CPED1: variants seen among roughly 807,000 people sequenced by gnomAD.
The protein encoded by CPED1 is cadherin-like and PC-esterase domain-containing protein 1.
Under a neutral mutation model 128.2 loss-of-function variants are expected in CPED1, and 114 were observed. The ratio of observed to expected loss-of-function variants is 0.89; its 90% CI spans 0.76 to 1.04. The LOEUF (loss-of-function observed/expected upper bound fraction) is 1.04. Among genes scored for constraint, CPED1 ranks in the 50% least tolerant of loss-of-function variants. The pLI is 0.00. For missense variants in CPED1, 1,211 were observed against 1,207.1 expected (o/e 1.00, Z -0.05); for synonymous variants, 462 against 426.7 (o/e 1.08, Z -1.02).
At chr7:121,189,152 C>A (rs1797070125) in intron 16 of CPED1, among the ~76,000 whole-genome samples, 1 of 152,028 alleles carries the variant, frequency 6.6e-6, no homozygotes, top group South Asian at 2.1e-4. Flanking sequence ...TTCCTTGCTC[C>A]AAGATAGCTT....
chr7:121,158,905 T>C (rs970372516), intron 16 of CPED1, among the ~76,000 whole-genome samples: 2 of 152,286 alleles, frequency 1.3e-5, no homozygotes, highest in Middle Eastern at 3.4e-3. Flanking sequence ...ATGTTTTTCA[T>C]GTTAAGAGGA....
chr7:121,211,362 G>C (rs1272788785), intron 16 of CPED1, among the ~76,000 whole-genome samples: 1 of 152,060 alleles, frequency 6.6e-6, no homozygotes, highest in Non-Finnish European at 1.5e-5. Flanking sequence ...CATCCATTTT[G>C]GTTTTGACCT....
chr7:121,135,515 A>T (rs2116348755), intron 13 of CPED1, among the ~76,000 whole-genome samples: 1 of 152,230 alleles, frequency 6.6e-6, no homozygotes, highest in Non-Finnish European at 1.5e-5. Context: ...AGAATGAATC[A>T]GTAGGTGCAG....
intron 3 of CPED1, among the ~76,000 whole-genome samples, chr7:121,034,827 A>C (rs1585030594): frequency 6.6e-6 from 1 of 152,318 alleles, no homozygotes; most frequent in East Asian, 1.9e-4. Flanking sequence ...GACAATGTGG[A>C]TCCATGGAGC....
At position 121,125,826 on chromosome 7, in the gene CPED1, A is replaced by G. The variant is rs367724397; in HGVS notation, c.1068A>G (p.Arg356=). The change falls in exon 9 of 23, where the codon AGA becomes AGG. Residue 356 remains arginine (R), a synonymous_variant. Coordinates refer to ENST00000310396, the MANE Select transcript of CPED1 (RefSeq NM_024913.5). Reference sequence around the variant, plus strand: ...CCTTGTGTTTTCATTTTAGATGCAGATTCTGCTTTCAACTTCTAACTTTTG... The same window carrying G: ...CCTTGTGTTTTCATTTTAGATGCAGGTTCTGCTTTCAACTTCTAACTTTTG... ...TLGPKTFHRC[R]FCFQLLTFDI... 3 of 1,611,648 alleles carry G rather than the reference A, an allele frequency of 1.9e-6. No individual in the cohort carries two copies. In the African/African-American group the frequency reaches 4.0e-5, roughly 22 times the overall value.
At chr7:121,249,618 A>G (rs895296467) in intron 18 of CPED1, among the ~76,000 whole-genome samples, 1 of 152,204 alleles carries the variant, frequency 6.6e-6, no homozygotes, top group Non-Finnish European at 1.5e-5. Context: ...TTCTCAGATA[A>G]GCAAACACTG....
chr7:121,136,112 G>A, intron 14 of CPED1, 22 bp downstream of exon 14: 2 of 1,538,844 alleles, frequency 1.3e-6, no homozygotes, highest in African/African-American at 1.4e-5. Flanking sequence ...TTAAAGTGTT[G>A]TAGCAGCATA....
intron 18 of CPED1, among the ~76,000 whole-genome samples, chr7:121,259,688 A>G (rs1329953720): frequency 6.6e-6 from 1 of 152,194 alleles, no homozygotes; most frequent in African/African-American, 2.4e-5. Flanking sequence ...TCAAATTTAC[A>G]ACTGCAAAAA....
At position 121,128,483 on chromosome 7, in the gene CPED1, A is replaced by G. The variant is rs1274113873; in HGVS notation, c.1404A>G (p.Gln468=). 6.6e-7 allele frequency: 1 copy of G among 1,506,402 alleles called. No individual in the cohort carries two copies. Among genetic ancestry groups the G allele is most frequent in the African/African-American group, 1.4e-5 (1 of 72,856 alleles). The allele number at this position is 1,506,402 out of a possible 1,614,324, so 93.3% of individuals were successfully genotyped here. A position where few individuals can be genotyped will look rare whatever the true frequency, so the allele number is the denominator to read the frequency against. Reference sequence around the variant, plus strand: ...AACTTGGAAGTCTGGGACAATTCCAACTGGTAAAGCAAAAGTGACATTTGA... The same window carrying G: ...AACTTGGAAGTCTGGGACAATTCCAGCTGGTAAAGCAAAAGTGACATTTGA... The part of the protein sequence containing the change: ...IKELGSLGQF[Q]LLFPSTTPGI... The change falls in exon 11 of 23, where the codon CAA becomes CAG. Residue 468 remains glutamine (Q), a synonymous_variant. Coordinates refer to ENST00000310396, the MANE Select transcript of CPED1 (RefSeq NM_024913.5).
intron 6 of CPED1, 26 bp downstream of exon 6, chr7:121,097,857 T>A (rs1380545578): frequency 6.2e-7 from 1 of 1,612,450 alleles, no homozygotes; most frequent in Non-Finnish European, 8.5e-7. Context: ...TGAATTGTTA[T>A]AACCAGCATG....
chr7:121,187,907 T>C (rs1797040319), intron 16 of CPED1, among the ~76,000 whole-genome samples: 1 of 152,146 alleles, frequency 6.6e-6, no homozygotes, highest in African/African-American at 2.4e-5. Context: ...TGCCTCTTGA[T>C]ATGATGCAAT....
intron 18 of CPED1, among the ~76,000 whole-genome samples, chr7:121,245,305 C>G (rs555981251): frequency 6.6e-6 from 1 of 152,054 alleles, no homozygotes; most frequent in African/African-American, 2.4e-5. Context: ...AAAGATCAAT[C>G]AGTAGTGTTA....
intron 16 of CPED1, among the ~76,000 whole-genome samples, chr7:121,174,641 T>G (rs1796734093): frequency 6.6e-6 from 1 of 152,156 alleles, no homozygotes; most frequent in Non-Finnish European, 1.5e-5. Context: ...TAATATAGTT[T>G]GAAGTCAGGT....
intron 16 of CPED1, among the ~76,000 whole-genome samples, chr7:121,228,198 G>A (rs894801108): frequency 6.6e-6 from 1 of 151,832 alleles, no homozygotes; most frequent in Non-Finnish European, 1.5e-5. Context: ...AGAAAATCAA[G>A]AGATAACTTG....
At chr7:121,071,776 A>G (rs768882272) in intron 5 of CPED1, among the ~76,000 whole-genome samples, 3 of 152,036 alleles carry the variant, frequency 2.0e-5, no homozygotes, top group Non-Finnish European at 2.9e-5. Flanking sequence ...AACATCTGTA[A>G]AGATGGGCCT....
At chr7:121,082,367 G>A (rs1205429149) in intron 5 of CPED1, among the ~76,000 whole-genome samples, 2 of 152,132 alleles carry the variant, frequency 1.3e-5, no homozygotes, top group Admixed American at 6.6e-5. Context: ...ACATAAAGCT[G>A]TCACAATAAT....
chr7:121,226,026 C>T (rs181489334), intron 16 of CPED1, among the ~76,000 whole-genome samples: 15 of 152,180 alleles, frequency 9.9e-5, no homozygotes, highest in Middle Eastern at 3.4e-3. Context: ...CCGTTGCTGA[C>T]GAGGAACTGT....
At chr7:121,055,705 A>G (rs1002135218) in intron 4 of CPED1, among the ~76,000 whole-genome samples, 3 of 151,906 alleles carry the variant, frequency 2.0e-5, no homozygotes, top group East Asian at 3.9e-4. Context: ...CACAAGGCCC[A>G]TAGTCAATAC....
In CPED1 at chr7:121,266,691, T is replaced by C. The variant is rs747588768; in HGVS notation, c.2532-16T>C. ...GTTTTAGGGCAACATGTGTTGTTTT[T>C]CTTTCTGAATTTCAGATCACGTCCC... is the stretch of plus-strand genomic sequence containing the variant. On this transcript the variant is annotated splice_polypyrimidine_tract_variant and intron_variant, in intron 19 of 22. Coordinates refer to ENST00000310396, the MANE Select transcript of CPED1 (RefSeq NM_024913.5). The C allele has an allele frequency of 6.2e-7, 1 of 1,600,046 alleles. No homozygotes were observed. Among genetic ancestry groups the C allele is most frequent in the South Asian group, 1.1e-5 (1 of 90,564 alleles).
Sources: allele counts gnomAD v4.1 joint callset (sites outside exome capture counted in the v4.1 genomes callset), GRCh38; gene constraint gnomAD v4.1.1; transcripts MANE v1.5; gene names NCBI Gene and HGNC (gene_info 2026-07-23, HGNC 2026-07-21).